Variants in PIBF1 observed in about 807,000 individuals in gnomAD.
The protein encoded by PIBF1 is progesterone-induced-blocking factor 1.
Under a neutral mutation model 112.5 loss-of-function variants are expected in PIBF1, and 90 were observed. The ratio of observed to expected loss-of-function variants is 0.80; its 90% CI spans 0.67 to 0.95. The LOEUF is 0.95. PIBF1 is among the 40% of genes least tolerant of loss of function. The probability of loss-of-function intolerance (pLI) is 0.00; values close to 1 mark genes in which losing one functional copy is unlikely to be tolerated. For synonymous variants in PIBF1, 301 were observed against 288.6 expected, an observed-to-expected ratio of 1.04 and a Z score of -0.44; for missense variants, 915 against 852.3, an observed-to-expected ratio of 1.07 and a Z score of -0.92.
chr13:72,832,852 C>A (rs989197568), intron 8 of PIBF1, among the ~76,000 whole-genome samples: 1 of 152,104 alleles, frequency 6.6e-6, no homozygotes, highest in African/African-American at 2.4e-5. Flanking sequence ...TGGATAATAT[C>A]CTGAAGTGTT....
intron 11 of PIBF1, among the ~76,000 whole-genome samples, chr13:72,897,362 A>G (rs2040320151): frequency 6.6e-6 from 1 of 152,214 alleles, no homozygotes; most frequent in South Asian, 2.1e-4. Flanking sequence ...AGCATAAATC[A>G]CACAGGACCT....
chr13:72,811,565 T>C (rs114413992), intron 5 of PIBF1, among the ~76,000 whole-genome samples: 3,124 of 143,706 alleles, frequency 0.022, 123 homozygotes, highest in African/African-American at 0.077. Flanking sequence ...CGTTGCTCTC[T>C]AGCCTGGGTG....
intron 14 of PIBF1, among the ~76,000 whole-genome samples, chr13:72,940,100 T>G (rs550303886): frequency 6.6e-6 from 1 of 152,264 alleles, no homozygotes; most frequent in East Asian, 1.9e-4. Context: ...TCTTAAATTT[T>G]TAAATACTTC....
intron 5 of PIBF1, among the ~76,000 whole-genome samples, chr13:72,818,323 T>C (rs1178961769): frequency 6.6e-6 from 1 of 152,182 alleles, no homozygotes; most frequent in Non-Finnish European, 1.5e-5. Flanking sequence ...AGCCTTGCTC[T>C]AGATTTAGTC....
In PIBF1 at chr13:72,965,238, A is replaced by G. The variant is rs181588395; in HGVS notation, c.1834-36A>G. ...TTGAATGATTTTATTTTGTTGTCAC[A>G]TTTTCTAGATTTTAATGAAACCTGT... On this transcript the variant is annotated intron_variant, in intron 14 of 17. Transcript: ENST00000326291. 129 of 1,587,732 alleles carry G rather than the reference A, an allele frequency of 8.1e-5. No homozygotes were observed. In the East Asian group the frequency reaches 2.8e-3, roughly 35 times the overall value.
chr13:72,950,273 A>G lies in PIBF1; in HGVS notation c.1834-15001A>G, dbSNP rs149751333. Among the ~76,000 whole-genome samples the G allele has an allele frequency of 6.2e-3, 944 of 152,320 alleles. 24 individuals carry two copies. Among genetic ancestry groups the G allele is most frequent in the Admixed American group, 0.041 (622 of 15,296 alleles). ...TATGGCTAAGACTCAGAGAACCCCAATACTTTCATTCTTTATCTAGAGAGG... is the reference window on the plus strand; with the variant it reads ...TATGGCTAAGACTCAGAGAACCCCAGTACTTTCATTCTTTATCTAGAGAGG... On this transcript the variant is annotated intron_variant, in intron 14 of 17. Transcript: ENST00000326291.
At chr13:72,953,213 A>G (rs772479090) in intron 14 of PIBF1, among the ~76,000 whole-genome samples, 3 of 152,182 alleles carry the variant, frequency 2.0e-5, no homozygotes, top group Non-Finnish European at 4.4e-5. Flanking sequence ...CATCTGCAGG[A>G]ATACTGATGT....
At chr13:72,927,961 AC>A (rs1385053421) in intron 13 of PIBF1, among the ~76,000 whole-genome samples, 10 of 59,976 alleles carry the variant, frequency 1.7e-4, no homozygotes, top group Non-Finnish European at 3.6e-4. Flanking sequence ...ATATATATAC[AC>A]ATATATATAT....
At chr13:72,973,332 GA>G (rs961871931) in intron 15 of PIBF1, among the ~76,000 whole-genome samples, 2 of 138,260 alleles carry the variant, frequency 1.4e-5, no homozygotes, top group African/African-American at 5.4e-5. Flanking sequence ...AGAAAGAAAA[GA>G]AAAAAGAAAG....
chr13:72,844,765 A>AGT (rs1555296189), intron 9 of PIBF1, among the ~76,000 whole-genome samples: 1 of 106,252 alleles, frequency 9.4e-6, no homozygotes, highest in African/African-American at 3.5e-5. Context: ...ACACACACAC[A>AGT]CACACACACA....
At chr13:72,822,260 T>G (rs1304686260) in intron 6 of PIBF1, among the ~76,000 whole-genome samples, 2 of 152,188 alleles carry the variant, frequency 1.3e-5, no homozygotes, top group Non-Finnish European at 2.9e-5. Context: ...ATTTGATGAT[T>G]ATTTTTATGT....
intron 3 of PIBF1, among the ~76,000 whole-genome samples, chr13:72,793,260 A>G (rs1394679406): frequency 6.6e-6 from 1 of 152,210 alleles, no homozygotes; most frequent in African/African-American, 2.4e-5. Flanking sequence ...GTTTAGTTCT[A>G]TGTTTTAATT....
chr13:72,791,033 GTATT>G (rs981730541), intron 2 of PIBF1, among the ~76,000 whole-genome samples: 6 of 131,126 alleles, frequency 4.6e-5, no homozygotes, highest in African/African-American at 9.5e-5. Context: ...TGAAATTCAT[GTATT>G]TTTGTTTGTT....
intron 5 of PIBF1, among the ~76,000 whole-genome samples, chr13:72,798,760 G>A (rs1321636838): frequency 6.6e-6 from 1 of 152,058 alleles, no homozygotes; most frequent in Non-Finnish European, 1.5e-5. Context: ...GTTGGAAATG[G>A]GTGGCTGTTT....
intron 17 of PIBF1, among the ~76,000 whole-genome samples, chr13:73,010,229 GTTTTTTTT>G (rs35486011): frequency 3.2e-5 from 4 of 123,540 alleles, no homozygotes; most frequent in South Asian, 2.6e-4. Context: ...TTCTATGCTA[GTTTTTTTT>G]TTTTTTTTTT....
At chr13:72,922,116 A>G (rs146421962) in intron 13 of PIBF1, among the ~76,000 whole-genome samples, 1 of 152,186 alleles carries the variant, frequency 6.6e-6, no homozygotes, top group East Asian at 1.9e-4. Flanking sequence ...GTAGCTAGGC[A>G]TGCACGCTGT....
chr13:72,832,072 CTTTTTTTTTTTTTTTTTT>C (rs754794968), intron 8 of PIBF1, among the ~76,000 whole-genome samples: 1 of 42,866 alleles, frequency 2.3e-5, no homozygotes, highest in East Asian at 1.1e-3. Context: ...CAATTCCGGC[CTTTTTTTTTTTTTTTTTT>C]TTTTTTTTTT....
intron 10 of PIBF1, among the ~76,000 whole-genome samples, chr13:72,893,319 A>T (rs1383876611): frequency 6.6e-6 from 1 of 152,114 alleles, no homozygotes; most frequent in Non-Finnish European, 1.5e-5. Flanking sequence ...ATATATGTAT[A>T]TGTACTAAGT....
chr13:72,839,513 C>A (rs572194386), intron 9 of PIBF1, among the ~76,000 whole-genome samples: 1 of 152,052 alleles, frequency 6.6e-6, no homozygotes, highest in Non-Finnish European at 1.5e-5. Context: ...ATTAGAGAGG[C>A]CTGTGGTATA....
Sources: gnomAD v4.1 joint callset for allele counts (sites outside exome capture counted in the v4.1 genomes callset) on GRCh38, gnomAD v4.1.1 for gene constraint, MANE v1.5 for transcripts, NCBI Gene and HGNC (gene_info 2026-07-23, HGNC 2026-07-21) for gene names.